CACUL1: variants seen among roughly 807,000 people sequenced by gnomAD.
The protein encoded by CACUL1 is CDK2 associated cullin domain 1.
In CACUL1, 13 loss-of-function variants were observed where a neutral mutation model predicts 45.2. That is an observed-to-expected ratio of 0.29 (90% CI 0.19 to 0.46). The LOEUF is 0.46. Among genes scored for constraint, CACUL1 ranks in the 20% least tolerant of loss-of-function variants. The pLI is 1.00. For synonymous variants in CACUL1, 197 were observed against 174.2 expected (o/e 1.13, Z -1.03); for missense variants, 421 against 471.4 (o/e 0.89, Z 0.99).
rs138442749 is a variant in CACUL1, at chr10:118,679,377, ATTTTTAT to A, written c.*6744_*6750del. On this transcript the variant is annotated 3_prime_UTR_variant, in exon 9 of 9. Coordinates refer to ENST00000369151, the MANE Select transcript of CACUL1 (RefSeq NM_153810.5). The stretch of plus-strand genomic sequence containing the variant: ...ACCATGCCTAATTTTTTTTTAATTT[ATTTTTAT>A]TTTTTATTTTTTGTAGAGACAGGGT... The A allele has an allele frequency of 1.3e-5, 2 of 150,300 alleles. No individual in the cohort carries two copies. Among genetic ancestry groups the A allele is most frequent in the Non-Finnish European group, 3.0e-5 (2 of 67,772 alleles). 9.3% of individuals were successfully genotyped at this position (150,300 alleles called of 1,614,324 possible).
chr10:118,712,854 C>A (rs555813218), intron 3 of CACUL1, among the ~76,000 whole-genome samples: 1 of 152,330 alleles, frequency 6.6e-6, no homozygotes, highest in South Asian at 2.1e-4. Flanking sequence ...TGGTCCATGG[C>A]CAGCCACAGG....
In CACUL1 at chr10:118,716,605, C is replaced by CT. The variant is rs61613528; in HGVS notation, c.598-9019dup. Among the ~76,000 whole-genome samples the CT allele has an allele frequency of 2.8e-3, 398 of 139,800 alleles. 14 individuals carry two copies. The highest frequency in any genetic ancestry group is 8.6e-3 in the South Asian group (38 of 4,402). 91.7% of individuals were successfully genotyped at this position (139,800 alleles called of 152,430 possible). ...AGTGGCATCAGCAACAACACAACCT[C>CT]TTTTTTTTTTTTTTTGAGACAGAGT... is the stretch of plus-strand genomic sequence containing the variant. On this transcript the variant is annotated intron_variant, in intron 3 of 8. Transcript: ENST00000369151.
At chr10:118,727,632 C>A (rs528701743) in intron 3 of CACUL1, among the ~76,000 whole-genome samples, 1 of 152,314 alleles carries the variant, frequency 6.6e-6, no homozygotes, top group South Asian at 2.1e-4. Flanking sequence ...AACGACATTA[C>A]TTACAAGACT....
At chr10:118,706,314 G>A (rs545696295) in intron 4 of CACUL1, among the ~76,000 whole-genome samples, 2 of 152,274 alleles carry the variant, frequency 1.3e-5, no homozygotes, top group Non-Finnish European at 1.5e-5. Context: ...AATAGGCCCT[G>A]TCTTTCAGCT....
chr10:118,693,275 T>G (rs1845289706), intron 6 of CACUL1: 1 of 154,120 alleles, frequency 6.5e-6, no homozygotes, highest in Non-Finnish European at 1.4e-5. Flanking sequence ...AAAATTCAAC[T>G]TTTAAAATAT....
chr10:118,726,497 A>C, intron 3 of CACUL1: 1 of 352,026 alleles, frequency 2.8e-6, no homozygotes, highest in Non-Finnish European at 5.5e-6. Context: ...ACAATAACAC[A>C]ATCACTGCCC....
chr10:118,746,895 CA>C (rs1845847945), intron 1 of CACUL1, among the ~76,000 whole-genome samples: 1 of 152,202 alleles, frequency 6.6e-6, no homozygotes, highest in South Asian at 2.1e-4. Flanking sequence ...TTCTCTAGAA[CA>C]GGGGTCCCCA....
chr10:118,703,031 G>A (rs1315799706), intron 4 of CACUL1, among the ~76,000 whole-genome samples: 1 of 152,056 alleles, frequency 6.6e-6, no homozygotes, highest in Admixed American at 6.5e-5. Context: ...TCAAACACCT[G>A]GCCTCCCACT....
rs576468542 is a variant in CACUL1, at chr10:118,745,955, G to A, written c.367+8441C>T. Among the ~76,000 whole-genome samples, 6 of 150,284 alleles carry A rather than the reference G, an allele frequency of 4.0e-5. No individual in the cohort carries two copies. The East Asian group carries it at 7.9e-4, about 20-fold the overall frequency. On this transcript the variant is annotated intron_variant, in intron 1 of 8. Coordinates refer to ENST00000369151, the MANE Select transcript of CACUL1 (RefSeq NM_153810.5). ...AGATCGAGACCATCCTGGCTAATAC[G>A]GTGAAACCCCATCTCTACTAAAAAA...
intron 1 of CACUL1, among the ~76,000 whole-genome samples, chr10:118,737,473 T>C (rs1845750914): frequency 6.6e-6 from 1 of 152,122 alleles, no homozygotes. Context: ...CCCTACCCCA[T>C]AACAAGACAA....
chr10:118,704,076 C>T (rs1038756068), intron 4 of CACUL1, among the ~76,000 whole-genome samples: 3 of 150,936 alleles, frequency 2.0e-5, no homozygotes, highest in African/African-American at 4.9e-5. Flanking sequence ...AGCGAGACTC[C>T]GTCTTAAAAA....
chr10:118,754,560 T>C lies in CACUL1; in HGVS notation c.203A>G (p.Lys68Arg), dbSNP rs1845935753. Reference protein sequence around the residue: ...LAVPAVSVDRKGPKEGLPMGP... With the variant: ...LAVPAVSVDRRGPKEGLPMGP... ...CATCGGGAGCCCCTCCTTGGGGCCT[T>C]TCCTGTCCACGGAGACCGCGGGCAC... Residue 68 changes from lysine (K) to arginine (R), a missense_variant, in exon 1 of 9, where the codon AAA becomes AGA. Transcript: ENST00000369151. The C allele has an allele frequency of 6.2e-7, 1 of 1,611,730 alleles. No homozygotes were observed. Among genetic ancestry groups the C allele is most frequent in the South Asian group, 1.1e-5 (1 of 90,982 alleles).
chr10:118,709,625 A>G (rs1237278514), intron 3 of CACUL1, among the ~76,000 whole-genome samples: 2 of 152,242 alleles, frequency 1.3e-5, no homozygotes, highest in African/African-American at 2.4e-5. Context: ...TCTTACACAT[A>G]AAGTCTTGCT....
Position 118,686,182 on chromosome 10 carries a change from A to G in CACUL1, c.1070-14T>C. 6.2e-7 allele frequency: 1 copy of G among 1,608,286 alleles called. No individual in the cohort carries two copies. The highest frequency in any genetic ancestry group is 8.5e-7 in the Non-Finnish European group (1 of 1,174,818). ...CTGACGAGCTATCTGAAAAAACATC[A>G]GAATAGGAAAAAGTATGAAGAGCAG... On this transcript the variant is annotated splice_polypyrimidine_tract_variant and intron_variant, in intron 8 of 8. Transcript: ENST00000369151.
At chr10:118,721,194 T>G (rs1223644188) in intron 3 of CACUL1, among the ~76,000 whole-genome samples, 1 of 152,196 alleles carries the variant, frequency 6.6e-6, no homozygotes, top group Non-Finnish European at 1.5e-5. Context: ...GATAACCAGT[T>G]GAGTTATGCT....
intron 4 of CACUL1, among the ~76,000 whole-genome samples, chr10:118,705,911 A>T (rs1005435199): frequency 6.6e-6 from 1 of 152,214 alleles, no homozygotes; most frequent in African/African-American, 2.4e-5. Flanking sequence ...CTCAAAAGTA[A>T]CTACAAAGCA....
intron 3 of CACUL1, among the ~76,000 whole-genome samples, chr10:118,727,888 G>C (rs1845665734): frequency 6.6e-6 from 1 of 152,208 alleles, no homozygotes; most frequent in Non-Finnish European, 1.5e-5. Flanking sequence ...AATTCAGGTA[G>C]ATGGTGGAGT....
chr10:118,691,449 C>A, intron 6 of CACUL1, 46 bp from the exon 7 acceptor site: 2 of 1,536,896 alleles, frequency 1.3e-6, no homozygotes, highest in Admixed American at 1.9e-5. Context: ...TATAAACACA[C>A]CAAATTAAAT....
In CACUL1 at chr10:118,686,658, G is replaced by A; in HGVS notation, c.1026-17C>T. On this transcript the variant is annotated splice_polypyrimidine_tract_variant and intron_variant, in intron 7 of 8. Transcript: ENST00000369151. Reference sequence around the variant, plus strand: ...TGGTCACCCCTGGGGATAAGAAGAGGCAGTCAACAAAACTGACTTCACATC... The same window carrying A: ...TGGTCACCCCTGGGGATAAGAAGAGACAGTCAACAAAACTGACTTCACATC... 1 of 1,606,366 alleles carries A rather than the reference G, an allele frequency of 6.2e-7. No individual in the cohort carries two copies. Among genetic ancestry groups the A allele is most frequent in the South Asian group, 1.1e-5 (1 of 90,910 alleles).
Sources: gnomAD v4.1 joint callset for allele counts (sites outside exome capture counted in the v4.1 genomes callset) on GRCh38, gnomAD v4.1.1 for gene constraint, MANE v1.5 for transcripts, NCBI Gene and HGNC (gene_info 2026-07-23, HGNC 2026-07-21) for gene names.